The following AUTS2 variants were observed in gnomAD, a reference collection of about 807,000 sequenced individuals.
AUTS2 encodes activator of transcription and developmental regulator AUTS2.
A neutral mutation model predicts 112.4 loss-of-function variants in AUTS2; 17 were observed. The ratio of observed to expected loss-of-function variants is 0.15; its 90% CI spans 0.10 to 0.23. AUTS2 has a LOEUF of 0.23. Among genes scored for constraint, AUTS2 ranks in the 10% least tolerant of loss-of-function variants. AUTS2 has a pLI of 1.00. For synonymous variants in AUTS2, 751 were observed against 702.7 expected (o/e 1.07, Z -1.09); for missense variants, 1,510 against 1,701.6 (o/e 0.89, Z 1.98).
chr7:70,718,912 G>A (rs1810520851), intron 6 of AUTS2, among the ~76,000 whole-genome samples: 2 of 151,900 alleles, frequency 1.3e-5, no homozygotes, highest in African/African-American at 2.4e-5. Context: ...TCATTATCCT[G>A]GGACAACAGG....
chr7:69,979,405 A>G (rs950789323), intron 2 of AUTS2, among the ~76,000 whole-genome samples: 5 of 152,242 alleles, frequency 3.3e-5, no homozygotes, highest in South Asian at 2.1e-4. Flanking sequence ...CATAGTTTTG[A>G]CAGCTCAAAT....
intron 4 of AUTS2, among the ~76,000 whole-genome samples, chr7:70,276,341 A>G (rs13246213): frequency 0.11 from 16,431 of 151,692 alleles, 929 homozygotes; most frequent in Admixed American, 0.14. Flanking sequence ...TAATTTAAGT[A>G]GTTTTTATTT....
chr7:70,702,239 G>A (rs949658613), intron 6 of AUTS2, among the ~76,000 whole-genome samples: 53 of 152,208 alleles, frequency 3.5e-4, no homozygotes, highest in African/African-American at 1.1e-3. Flanking sequence ...CTAGTCAGGC[G>A]TCAGGAGTTC....
chr7:70,064,647 A>G (rs1256830080), intron 2 of AUTS2, among the ~76,000 whole-genome samples: 15 of 152,208 alleles, frequency 9.9e-5, no homozygotes, highest in Admixed American at 6.5e-5. Context: ...TTAATTAGAC[A>G]TAAAGACTTA....
intron 1 of AUTS2, among the ~76,000 whole-genome samples, chr7:69,696,990 C>G (rs1797589448): frequency 6.6e-6 from 1 of 152,192 alleles, no homozygotes. Context: ...TGTCTCACTT[C>G]TAAGGGATAG....
intron 1 of AUTS2, among the ~76,000 whole-genome samples, chr7:69,713,586 G>T (rs929611883): frequency 6.6e-6 from 1 of 151,138 alleles, no homozygotes; most frequent in African/African-American, 2.4e-5. Flanking sequence ...TCAGCCTCCT[G>T]ACTAGCTGGG....
intron 18 of AUTS2, among the ~76,000 whole-genome samples, chr7:70,787,748 A>G (rs1049839589): frequency 3.9e-5 from 6 of 152,220 alleles, no homozygotes; most frequent in African/African-American, 1.4e-4. Flanking sequence ...GCTTCGGGCC[A>G]GACACACACA....
chr7:70,629,601 G>T (rs1033097850), intron 5 of AUTS2, among the ~76,000 whole-genome samples: 1 of 152,166 alleles, frequency 6.6e-6, no homozygotes, highest in Non-Finnish European at 1.5e-5. Flanking sequence ...AATAGAGGCA[G>T]GCGCGTCTCA....
Position 70,694,628 on chromosome 7 carries a change from C to G in AUTS2, c.691-3941C>G, listed in dbSNP as rs934938572. 3.4e-5 allele frequency: 5 copies of G among 148,694 alleles called. No homozygotes were observed. Among genetic ancestry groups the G allele is most frequent in the Admixed American group, 2.7e-4 (4 of 14,958 alleles). The allele number at this position is 148,694 out of a possible 1,614,324, so 9.2% of individuals were successfully genotyped here. ...TCAGGCCGCTCTTCTCCGCCTCGCCCTCCCGCCGGCCGGCCCGGGACGCGC... is the reference window on the plus strand; with the variant it reads ...TCAGGCCGCTCTTCTCCGCCTCGCCGTCCCGCCGGCCGGCCCGGGACGCGC... On this transcript the variant is annotated intron_variant, in intron 5 of 18. Coordinates refer to ENST00000342771, the MANE Select transcript of AUTS2 (RefSeq NM_015570.4). The surrounding 1 kb of genome is among the most constrained non-coding windows in gnomAD (Gnocchi z 4.1).
intron 1 of AUTS2, among the ~76,000 whole-genome samples, chr7:69,761,405 G>A (rs564306247): frequency 5.3e-5 from 8 of 152,244 alleles, no homozygotes; most frequent in Non-Finnish European, 1.0e-4. Flanking sequence ...GACTGGCTGT[G>A]GGGGACACCG....
rs116432669 is a variant in AUTS2, at chr7:70,781,393, A to G, written c.2005-222A>G. 1.7e-3 allele frequency: 733 copies of G among 425,208 alleles called. 5 individuals are homozygous for G. Among genetic ancestry groups the G allele is most frequent in the African/African-American group, 0.015 (704 of 48,128 alleles). 26.3% of individuals were successfully genotyped at this position (425,208 alleles called of 1,614,324 possible). ...AAAAAAAAAAAAAAAAACCAGACCA[A>G]ACACTAGTGTTGTCACTAGACATTT... On this transcript the variant is annotated intron_variant, in intron 14 of 18. Transcript: ENST00000342771.
chr7:69,678,724 A>T (rs1796675138), intron 1 of AUTS2, among the ~76,000 whole-genome samples: 1 of 152,244 alleles, frequency 6.6e-6, no homozygotes, highest in Non-Finnish European at 1.5e-5. Context: ...GATAGCACAC[A>T]ATAGCACACA....
intron 5 of AUTS2, among the ~76,000 whole-genome samples, chr7:70,541,969 G>A (rs1800571141): frequency 6.6e-6 from 1 of 152,162 alleles, no homozygotes; most frequent in Non-Finnish European, 1.5e-5. Flanking sequence ...ATGTGAATGT[G>A]GAACCTAATA....
intron 4 of AUTS2, among the ~76,000 whole-genome samples, chr7:70,284,078 T>C (rs910375441): frequency 2.6e-5 from 4 of 152,214 alleles, no homozygotes; most frequent in African/African-American, 9.6e-5. Context: ...ATTTACTATA[T>C]GATCATTGCA....
At chr7:69,965,118 C>T (rs1361153803) in intron 2 of AUTS2, among the ~76,000 whole-genome samples, 1 of 152,054 alleles carries the variant, frequency 6.6e-6, no homozygotes, top group Non-Finnish European at 1.5e-5. Context: ...CATCTGATAG[C>T]TTTTTCAGTG....
intron 4 of AUTS2, among the ~76,000 whole-genome samples, chr7:70,339,916 G>A (rs1791178546): frequency 6.6e-6 from 1 of 152,168 alleles, no homozygotes; most frequent in Non-Finnish European, 1.5e-5. Flanking sequence ...TACCGCTGAT[G>A]TACTGCACTA....
At position 70,631,750 on chromosome 7, in the gene AUTS2, C is replaced by A. The variant is rs891103218; in HGVS notation, c.691-66819C>A. 6.6e-6 allele frequency among the ~76,000 whole-genome samples: 1 copy of A among 152,142 alleles called. No individual in the cohort carries two copies. The highest frequency in any genetic ancestry group is 1.5e-5 in the Non-Finnish European group (1 of 68,014). On this transcript the variant is annotated intron_variant, in intron 5 of 18. Transcript: ENST00000342771. The surrounding 1 kb of genome is among the most constrained non-coding windows in gnomAD (Gnocchi z 4.5). ...CGGTTGGCTGGGCCACAGCAAGGGG[C>A]TCAGCAGCAAAATATCCTTGAATCA...
chr7:69,639,295 G>T (rs1030272024), intron 1 of AUTS2, among the ~76,000 whole-genome samples: 6 of 152,108 alleles, frequency 3.9e-5, no homozygotes, highest in Non-Finnish European at 7.3e-5. Context: ...TGCAAATGTA[G>T]CAGATCTCGA....
chr7:70,046,816 A>G (rs1801527491), intron 2 of AUTS2, among the ~76,000 whole-genome samples: 1 of 152,168 alleles, frequency 6.6e-6, no homozygotes, highest in South Asian at 2.1e-4. Flanking sequence ...ATGCTCTGAT[A>G]AAGAGATGAT....
Sources: allele counts gnomAD v4.1 joint callset (sites outside exome capture counted in the v4.1 genomes callset), GRCh38; gene constraint gnomAD v4.1.1; non-coding constraint Gnocchi (gnomAD v3.1); transcripts MANE v1.5; gene names NCBI Gene and HGNC (gene_info 2026-07-23, HGNC 2026-07-21).